SUGCT: variants seen among roughly 807,000 people sequenced by gnomAD.
SUGCT encodes the protein succinyl-CoA:glutarate CoA-transferase.
In SUGCT, 41 loss-of-function variants were observed where a neutral mutation model predicts 55.0. That is an observed-to-expected ratio of 0.74 (90% CI 0.58 to 0.97). The LOEUF is 0.97. SUGCT is among the 50% of genes least tolerant of loss of function. The pLI, the probability that SUGCT is intolerant of heterozygous loss-of-function variation, is 0.00. For missense variants in SUGCT, 568 were observed against 547.8 expected (o/e 1.04, Z -0.37); for synonymous variants, 187 against 200.4 (o/e 0.93, Z 0.56).
intron 9 of SUGCT, among the ~76,000 whole-genome samples, chr7:40,365,256 T>C (rs1427365347): frequency 1.1e-4 from 17 of 152,126 alleles, no homozygotes; most frequent in South Asian, 2.1e-4. Flanking sequence ...ATTGATGGGA[T>C]GTATCTCAAA....
chr7:40,297,169 C>T (rs1794212301), intron 8 of SUGCT, among the ~76,000 whole-genome samples: 3 of 152,036 alleles, frequency 2.0e-5, no homozygotes, highest in Admixed American at 2.0e-4. Flanking sequence ...CTCTTCTGTC[C>T]ATGTTCACCT....
At chr7:40,406,221 G>C (rs1786362741) in intron 9 of SUGCT, among the ~76,000 whole-genome samples, 1 of 152,094 alleles carries the variant, frequency 6.6e-6, no homozygotes, top group South Asian at 2.1e-4. Context: ...GACGCCAGCT[G>C]GTTCATCAGA....
At chr7:40,434,726 G>A (rs887229531) in intron 9 of SUGCT, among the ~76,000 whole-genome samples, 1 of 152,154 alleles carries the variant, frequency 6.6e-6, no homozygotes, top group Admixed American at 6.5e-5. Flanking sequence ...CAAGAAGTGA[G>A]TCCTATAAAG....
At chr7:40,241,426 A>G (rs1181563053) in intron 7 of SUGCT, among the ~76,000 whole-genome samples, 1 of 149,366 alleles carries the variant, frequency 6.7e-6, no homozygotes, top group African/African-American at 2.5e-5. Flanking sequence ...TAAAAATACA[A>G]AAATTAGCTG....
intron 9 of SUGCT, among the ~76,000 whole-genome samples, chr7:40,364,672 G>A (rs1203818174): frequency 6.6e-6 from 1 of 152,106 alleles, no homozygotes; most frequent in Non-Finnish European, 1.5e-5. Context: ...TAGAGTTTCT[G>A]CCAGTAGATC....
chr7:40,984,283 A>G, the SUGCT span, among the ~76,000 whole-genome samples: 1 of 152,184 alleles, frequency 6.6e-6, no homozygotes, highest in Admixed American at 6.5e-5. Context: ...ATATCTATCA[A>G]TTATTGAAGA....
At chr7:40,703,264 A>C (rs1302810060) in intron 12 of SUGCT, among the ~76,000 whole-genome samples, 1 of 152,064 alleles carries the variant, frequency 6.6e-6, no homozygotes, top group African/African-American at 2.4e-5. Flanking sequence ...GGGTTTCTCC[A>C]TGTTGGTCAG....
At chr7:40,418,179 A>G (rs1325923511) in intron 9 of SUGCT, among the ~76,000 whole-genome samples, 1 of 152,156 alleles carries the variant, frequency 6.6e-6, no homozygotes, top group East Asian at 1.9e-4. Flanking sequence ...GAGCTGCACT[A>G]ATTGTTCAAT....
chr7:40,600,315 TC>T (rs1798231299), intron 12 of SUGCT, among the ~76,000 whole-genome samples: 1 of 152,156 alleles, frequency 6.6e-6, no homozygotes, highest in Non-Finnish European at 1.5e-5. Context: ...CATGCAAGTC[TC>T]CCATTAGCCC....
chr7:40,486,199 A>G (rs1791335031), intron 11 of SUGCT, among the ~76,000 whole-genome samples: 1 of 152,150 alleles, frequency 6.6e-6, no homozygotes, highest in South Asian at 2.1e-4. Context: ...TAATTCAATT[A>G]TGGTAGGTTG....
the SUGCT span, among the ~76,000 whole-genome samples, chr7:41,008,598 C>A: frequency 1.3e-5 from 2 of 152,030 alleles, no homozygotes; most frequent in Non-Finnish European, 2.9e-5. Context: ...CTGCCTGTAT[C>A]GCACCTCAAG....
intron 6 of SUGCT, among the ~76,000 whole-genome samples, chr7:40,225,423 G>A (rs558736307): frequency 6.6e-6 from 1 of 150,520 alleles, no homozygotes; most frequent in South Asian, 2.1e-4. Context: ...TTTGGTCTTT[G>A]AATAATATAT....
chr7:40,308,014 G>T (rs1379665051), intron 8 of SUGCT, among the ~76,000 whole-genome samples: 2 of 152,134 alleles, frequency 1.3e-5, no homozygotes, highest in African/African-American at 4.8e-5. Flanking sequence ...TTAGCATTTT[G>T]TCCCCATAAG....
rs117227454 is a variant in SUGCT, at chr7:40,219,103, G to A, written c.485-18532G>A. Reference sequence around the variant, plus strand: ...AGCGAGACCATGAACCCACCTGGAGGAACGAACAACTCTGGACGCGCCACC... The same window carrying A: ...AGCGAGACCATGAACCCACCTGGAGAAACGAACAACTCTGGACGCGCCACC... On this transcript the variant is annotated intron_variant, in intron 6 of 13. Transcript: ENST00000335693. Among the ~76,000 whole-genome samples the A allele has an allele frequency of 2.7e-3, 407 of 152,202 alleles. 5 individuals carry two copies. The highest frequency in any genetic ancestry group is 0.016 in the East Asian group (83 of 5,182).
In SUGCT at chr7:40,342,951, A is replaced by G. The variant is rs116444056; in HGVS notation, c.816+26096A>G. On this transcript the variant is annotated intron_variant, in intron 9 of 13. Coordinates refer to ENST00000335693, the MANE Select transcript of SUGCT (RefSeq NM_001193313.2). ...GGCCACTGCGTCTGGCTTGTCTCCA[A>G]TATCTTAGAAGTTGGTCTTCCTCAG... 3.8e-3 allele frequency among the ~76,000 whole-genome samples: 573 copies of G among 152,280 alleles called. 2 individuals are homozygous for G. The highest frequency in any genetic ancestry group is 0.012 in the African/African-American group (517 of 41,570).
At chr7:40,698,017 G>A (rs1785010849) in intron 12 of SUGCT, among the ~76,000 whole-genome samples, 1 of 152,218 alleles carries the variant, frequency 6.6e-6, no homozygotes, top group African/African-American at 2.4e-5. Flanking sequence ...ATTCTGACAG[G>A]TAGAGTCAGT....
intron 9 of SUGCT, among the ~76,000 whole-genome samples, chr7:40,337,647 C>T (rs1796791583): frequency 2.6e-5 from 4 of 152,140 alleles, no homozygotes; most frequent in Admixed American, 2.6e-4. Context: ...TGTGTCTCTG[C>T]ATGTGAGATG....
intron 13 of SUGCT, among the ~76,000 whole-genome samples, chr7:40,767,107 C>A (rs1208178712): frequency 6.6e-6 from 1 of 152,128 alleles, no homozygotes; most frequent in African/African-American, 2.4e-5. Flanking sequence ...TGACTTAAGA[C>A]TTTTGAATCT....
chr7:40,237,366 C>G (rs1384865078), intron 6 of SUGCT, among the ~76,000 whole-genome samples: 1 of 151,906 alleles, frequency 6.6e-6, no homozygotes, highest in African/African-American at 2.4e-5. Flanking sequence ...ATCACTTGAA[C>G]CTGGGAGGTG....
Sources: allele counts gnomAD v4.1 joint callset (sites outside exome capture counted in the v4.1 genomes callset), GRCh38; gene constraint gnomAD v4.1.1; transcripts MANE v1.5; gene names NCBI Gene and HGNC (gene_info 2026-07-23, HGNC 2026-07-21).